Variants in SMARCC1 observed in about 807,000 individuals in gnomAD.
SMARCC1 encodes the protein SWI/SNF related BAF chromatin remodeling complex subunit C1.
In SMARCC1, 43 loss-of-function variants were observed where a neutral mutation model predicts 147.4. The ratio of observed to expected loss-of-function variants is 0.29; its 90% confidence interval spans 0.23 to 0.38. The LOEUF (loss-of-function observed/expected upper bound fraction) is 0.38, where lower values mean the gene tolerates loss of function less well. SMARCC1 is among the 10% of genes least tolerant of loss of function. The probability of loss-of-function intolerance (pLI) is 1.00; values close to 1 mark genes in which losing one functional copy is unlikely to be tolerated. For synonymous variants in SMARCC1, 495 were observed against 484.4 expected (o/e 1.02, Z -0.29); for missense variants, 1,119 against 1,381.1 (o/e 0.81, Z 3.01).
intron 24 of SMARCC1, among the ~76,000 whole-genome samples, chr3:47,627,867 T>C (rs990870656): frequency 6.6e-6 from 1 of 151,748 alleles, no homozygotes; most frequent in Non-Finnish European, 1.5e-5. Context: ...ATTATAGGCA[T>C]TACACCACCA....
chr3:47,755,553 A>C (rs1038947351), intron 2 of SMARCC1, among the ~76,000 whole-genome samples: 1 of 148,686 alleles, frequency 6.7e-6, no homozygotes, highest in African/African-American at 2.5e-5. Flanking sequence ...AAAAAAAAGA[A>C]TTATAAGTTT....
intron 26 of SMARCC1, among the ~76,000 whole-genome samples, chr3:47,602,044 G>A (rs1443979263): frequency 2.0e-5 from 3 of 152,024 alleles, no homozygotes; most frequent in African/African-American, 4.8e-5. Flanking sequence ...GTCCAGGGGT[G>A]GGTTAGAAAG....
At chr3:47,596,403 A>G (rs1401411440) in intron 26 of SMARCC1, among the ~76,000 whole-genome samples, 1 of 151,942 alleles carries the variant, frequency 6.6e-6, no homozygotes, top group African/African-American at 2.4e-5. Flanking sequence ...CCCCATCTCT[A>G]CTAAAAATAC....
chr3:47,725,225 G>A (rs975466950), intron 6 of SMARCC1, among the ~76,000 whole-genome samples: 4 of 151,782 alleles, frequency 2.6e-5, no homozygotes, highest in Non-Finnish European at 5.9e-5. Flanking sequence ...ATAAGAGATC[G>A]TATGTCATCA....
chr3:47,637,075 C>T (rs1340819902), intron 22 of SMARCC1, among the ~76,000 whole-genome samples: 1 of 152,026 alleles, frequency 6.6e-6, no homozygotes, highest in Admixed American at 6.5e-5. Flanking sequence ...GAGGCAGGGT[C>T]CCCCTATGTT....
At chr3:47,600,742 A>G (rs2032368936) in intron 26 of SMARCC1, among the ~76,000 whole-genome samples, 1 of 152,144 alleles carries the variant, frequency 6.6e-6, no homozygotes. Context: ...TCAATTTCGC[A>G]CAAAGCAACC....
At chr3:47,721,852 A>T (rs1447418924) in intron 6 of SMARCC1, among the ~76,000 whole-genome samples, 2 of 152,108 alleles carry the variant, frequency 1.3e-5, no homozygotes, top group Non-Finnish European at 2.9e-5. Flanking sequence ...CTCTTAAAAA[A>T]TTTTAAAAAT....
chr3:47,660,955 A>G (rs1056311376), intron 21 of SMARCC1, among the ~76,000 whole-genome samples: 3 of 152,230 alleles, frequency 2.0e-5, no homozygotes, highest in African/African-American at 7.2e-5. Flanking sequence ...AGCAACATAT[A>G]AATTAACATA....
At chr3:47,765,804 C>T (rs1310064208) in intron 2 of SMARCC1, among the ~76,000 whole-genome samples, 1 of 151,690 alleles carries the variant, frequency 6.6e-6, no homozygotes, top group Non-Finnish European at 1.5e-5. Context: ...ATGATCTTGG[C>T]TCACTGCAAC....
intron 3 of SMARCC1, among the ~76,000 whole-genome samples, chr3:47,740,172 G>A (rs1026554254): frequency 2.5e-5 from 3 of 122,190 alleles, no homozygotes; most frequent in Non-Finnish European, 5.1e-5. Flanking sequence ...CACCACGCCC[G>A]GCCATCTTTT....
In SMARCC1 at chr3:47,671,196, A is replaced by AAAAAAAAAAAAAC. The variant is rs753672169; in HGVS notation, c.1840-480_1840-479insGTTTTTTTTTTTT. 9.4e-3 allele frequency among the ~76,000 whole-genome samples: 762 copies of AAAAAAAAAAAAAC among 81,134 alleles called. 114 individuals carry two copies. The highest frequency in any genetic ancestry group is 0.014 in the Non-Finnish European group (566 of 41,264). The allele number at this position is 81,134 out of a possible 152,430, so 53.2% of individuals were successfully genotyped here. A position where few individuals can be genotyped will look rare whatever the true frequency, so the allele number is the denominator to read the frequency against. ...CTCAAAAAAAAAAAAAAAAAAAAAAAAACACACACAAAAACCAAAACCAAA... is the reference window on the plus strand; with the variant it reads ...CTCAAAAAAAAAAAAAAAAAAAAAAAAAAAAAAAAAAACAACACACACAAAAACCAAAACCAAA... On this transcript the variant is annotated intron_variant, in intron 18 of 27. Coordinates refer to ENST00000254480, the MANE Select transcript of SMARCC1 (RefSeq NM_003074.4).
intron 14 of SMARCC1, among the ~76,000 whole-genome samples, chr3:47,683,744 A>C (rs1165429467): frequency 1.3e-5 from 2 of 151,872 alleles, no homozygotes; most frequent in Non-Finnish European, 2.9e-5. Context: ...AAACAAAAAA[A>C]CCCAAGATTT....
chr3:47,617,337 C>G (rs1000584838), intron 25 of SMARCC1, among the ~76,000 whole-genome samples: 3 of 152,222 alleles, frequency 2.0e-5, no homozygotes, highest in African/African-American at 7.2e-5. Flanking sequence ...TCAAAGCAAA[C>G]ATTACTTTCT....
chr3:47,710,834 T>G lies in SMARCC1; in HGVS notation c.793-26A>C, dbSNP rs769880845. 6.4e-6 allele frequency: 10 copies of G among 1,573,350 alleles called. No homozygotes were observed. The Middle Eastern group carries it at 5.1e-4, about 80-fold the overall frequency. ...CTAAAACCATATCAAAGCATCAATATCTACATAAATAACAAAATCACTCAA... is the reference window on the plus strand; with the variant it reads ...CTAAAACCATATCAAAGCATCAATAGCTACATAAATAACAAAATCACTCAA... On this transcript the variant is annotated intron_variant, in intron 8 of 27. Transcript: ENST00000254480.
At chr3:47,628,057 A>AT (rs1177405526) in intron 24 of SMARCC1, among the ~76,000 whole-genome samples, 117 of 149,036 alleles carry the variant, frequency 7.9e-4, no homozygotes, top group South Asian at 2.5e-3. Flanking sequence ...ATATATATAT[A>AT]TATTTTTTCT....
At chr3:47,729,389 C>G (rs1364881018) in intron 5 of SMARCC1, among the ~76,000 whole-genome samples, 1 of 151,932 alleles carries the variant, frequency 6.6e-6, no homozygotes, top group African/African-American at 2.4e-5. Context: ...ACTACTAATT[C>G]TTTTTTTTCC....
chr3:47,728,967 T>A (rs2034334931), intron 6 of SMARCC1, 58 bp downstream of exon 6: 1 of 1,091,986 alleles, frequency 9.2e-7, no homozygotes, highest in African/African-American at 1.6e-5. Context: ...GGGTATGACA[T>A]AAAATCCATT....
chr3:47,781,503 G>T (rs1193174177), intron 1 of SMARCC1, 100 bp downstream of exon 1: 2 of 812,766 alleles, frequency 2.5e-6, no homozygotes, highest in Admixed American at 8.8e-5. Context: ...TGTCCCTCGT[G>T]GCGTGCGGGG....
chr3:47,652,083 C>T (rs1001224573), intron 21 of SMARCC1, among the ~76,000 whole-genome samples: 4 of 152,180 alleles, frequency 2.6e-5, no homozygotes, highest in African/African-American at 9.7e-5. Flanking sequence ...GATCCTCTCA[C>T]CTTGTCTTCC....
Sources: allele counts gnomAD v4.1 joint callset (sites outside exome capture counted in the v4.1 genomes callset), GRCh38; gene constraint gnomAD v4.1.1; transcripts MANE v1.5; gene names NCBI Gene and HGNC (gene_info 2026-07-23, HGNC 2026-07-21).